Variants in DCLRE1A observed in about 807,000 individuals in gnomAD.
DCLRE1A encodes the protein DNA cross-link repair 1A protein.
Under a neutral mutation model 91.9 loss-of-function variants are expected in DCLRE1A, and 64 were observed. The ratio of observed to expected loss-of-function variants is 0.70; its 90% CI spans 0.57 to 0.86. The LOEUF (loss-of-function observed/expected upper bound fraction) is 0.86. DCLRE1A is among the 40% of genes least tolerant of loss of function. DCLRE1A has a pLI of 0.00. For missense variants in DCLRE1A, 1,145 were observed against 1,213.3 expected (o/e 0.94, Z 0.84); for synonymous variants, 416 against 431.1 (o/e 0.96, Z 0.43).
intron 7 of DCLRE1A, among the ~76,000 whole-genome samples, chr10:113,837,562 A>G (rs763096560): frequency 3.3e-5 from 5 of 152,168 alleles, no homozygotes; most frequent in Non-Finnish European, 5.9e-5. Flanking sequence ...ACAATGGTAA[A>G]CACCAATGCA....
chr10:113,847,023 TA>T (rs1845548967), intron 3 of DCLRE1A, among the ~76,000 whole-genome samples, 178 bp downstream of exon 3: 1 of 152,234 alleles, frequency 6.6e-6, no homozygotes, highest in Non-Finnish European at 1.5e-5. Context: ...AGATGTTTTC[TA>T]AAAACTGAAA....
At position 113,849,860 on chromosome 10, in the gene DCLRE1A, T is replaced by A; in HGVS notation, c.1245A>T (p.Ala415=). ...GDFVLFPPAL[A]GKLAASVHQA... ...GATGAACAGAAGCAGCAAGCTTCCC[T>A]GCCAATGCAGGTGGAAACAACACAA... The change falls in exon 2 of 9, where the codon GCA becomes GCT. Residue 415 remains alanine (A), a synonymous_variant. Coordinates refer to ENST00000361384, the MANE Select transcript of DCLRE1A (RefSeq NM_014881.5). 6.2e-7 allele frequency: 1 copy of A among 1,614,034 alleles called. No homozygotes were observed. The highest frequency in any genetic ancestry group is 8.5e-7 in the Non-Finnish European group (1 of 1,180,016).
Position 113,849,854 on chromosome 10 carries a change from C to T in DCLRE1A, c.1251G>A (p.Lys417=). 1 of 1,614,008 alleles carries T rather than the reference C, an allele frequency of 6.2e-7. No homozygotes were observed. Residue 417 remains lysine (K), a synonymous_variant, in exon 2 of 9, where the codon AAG becomes AAA. Transcript: ENST00000361384. ...FVLFPPALAG[K]LAASVHQATK... ...TTGCCTGATGAACAGAAGCAGCAAGCTTCCCTGCCAATGCAGGTGGAAACA... is the reference window on the plus strand; with the variant it reads ...TTGCCTGATGAACAGAAGCAGCAAGTTTCCCTGCCAATGCAGGTGGAAACA...
chr10:113,835,247 G>A lies in DCLRE1A; in HGVS notation c.3028C>T (p.Gln1010Ter). ...ACATTTACAGTAGGTATGATTTTCT[G>A]GGGCTTCAGCCACTGGACAAAGCGC... is the stretch of plus-strand genomic sequence containing the variant. ...MKRFVQWLKPQKIIPTVNVGT... is the reference protein window; with the variant it reads ...MKRFVQWLKP The change falls in exon 9 of 9, where the codon CAG (glutamine) becomes TAG (stop). Residue 1010 changes from glutamine (Q) to a stop codon, truncating the protein, a stop_gained. Coordinates refer to ENST00000361384, the MANE Select transcript of DCLRE1A (RefSeq NM_014881.5). LOFTEE classifies it high-confidence loss of function. The A allele has an allele frequency of 6.2e-7, 1 of 1,614,020 alleles. No homozygotes were observed. Among genetic ancestry groups the A allele is most frequent in the South Asian group, 1.1e-5 (1 of 91,060 alleles).
At chr10:113,838,256 AT>A (rs1845392753) in intron 7 of DCLRE1A, among the ~76,000 whole-genome samples, 1 of 152,194 alleles carries the variant, frequency 6.6e-6, no homozygotes, top group Non-Finnish European at 1.5e-5. Context: ...TATTTGTTTA[AT>A]CACTATTCCT....
chr10:113,836,251 G>A (rs375918712), intron 8 of DCLRE1A, among the ~76,000 whole-genome samples: 3 of 152,088 alleles, frequency 2.0e-5, no homozygotes, highest in Non-Finnish European at 4.4e-5. Flanking sequence ...TTCAAAAATC[G>A]ATTACCTTAT....
chr10:113,850,405 A>G lies in DCLRE1A; in HGVS notation c.700T>C (p.Tyr234His). 1 of 1,614,220 alleles carries G rather than the reference A, an allele frequency of 6.2e-7. No homozygotes were observed. The highest frequency in any genetic ancestry group is 8.5e-7 in the Non-Finnish European group (1 of 1,180,032). Reference sequence around the variant, plus strand: ...GTCAGAGACGGAGACTTTTTAAAATACTGTGTCATCAATAAGGGATCATTT... The same window carrying G: ...GTCAGAGACGGAGACTTTTTAAAATGCTGTGTCATCAATAAGGGATCATTT... ...VSNDPLLMTQ[Y>H]FKKSPSLTEA... Residue 234 changes from tyrosine to histidine, a missense_variant, in exon 2 of 9, where the codon TAT (tyrosine) becomes CAT (histidine). Physicochemically the swap from Tyr to His is moderately conservative, Grantham distance 83. Transcript: ENST00000361384.
chr10:113,837,889 A>G (rs1194461169), intron 7 of DCLRE1A, among the ~76,000 whole-genome samples: 1 of 152,186 alleles, frequency 6.6e-6, no homozygotes, highest in Non-Finnish European at 1.5e-5. Context: ...TCTTCGAAAG[A>G]TAACAGAAAT....
At position 113,845,806 on chromosome 10, in the gene DCLRE1A, G is replaced by A; in HGVS notation, c.2260-3C>T. 6.2e-7 allele frequency: 1 copy of A among 1,610,658 alleles called. No homozygotes were observed. Among genetic ancestry groups the A allele is most frequent in the East Asian group, 2.2e-5 (1 of 44,842 alleles). On this transcript the variant is annotated splice_polypyrimidine_tract_variant and splice_region_variant and intron_variant, in intron 3 of 8. Transcript: ENST00000361384. ...TTCTTCAACAAATTGCCAGTTATCTGCAAAACAGGACGTGCTTATTGCTGA... is the reference window on the plus strand; with the variant it reads ...TTCTTCAACAAATTGCCAGTTATCTACAAAACAGGACGTGCTTATTGCTGA...
intron 8 of DCLRE1A, 53 bp downstream of exon 8, chr10:113,837,009 A>T: frequency 1.4e-6 from 2 of 1,444,510 alleles, no homozygotes; most frequent in Non-Finnish European, 1.9e-6. Flanking sequence ...ATTTTTTAAA[A>T]TGTAATTATA....
intron 1 of DCLRE1A, among the ~76,000 whole-genome samples, chr10:113,851,235 G>C (rs1845644918): frequency 6.6e-6 from 1 of 152,130 alleles, no homozygotes; most frequent in Non-Finnish European, 1.5e-5. Context: ...CAAGTTACAT[G>C]AAAGAAAATT....
intron 4 of DCLRE1A, among the ~76,000 whole-genome samples, chr10:113,844,668 G>A (rs754109624): frequency 1.3e-5 from 2 of 152,310 alleles, no homozygotes; most frequent in South Asian, 4.1e-4. Flanking sequence ...AGGCATGGTG[G>A]CTCACGCCTG....
chr10:113,840,312 CA>C lies in DCLRE1A; in HGVS notation c.2820+1093del, dbSNP rs1027727896. 1.3e-4 allele frequency among the ~76,000 whole-genome samples: 19 copies of C among 142,480 alleles called. 1 individual carries two copies. The highest frequency in any genetic ancestry group is 2.1e-4 in the African/African-American group (8 of 38,816). The allele number at this position is 142,480 out of a possible 152,430, so 93.5% of individuals were successfully genotyped here. ...CTGTCTCCAAAAAAAAAAAAAACAA[CA>C]AAAAAAAAAGTTTGAGTTTGTAGTA... On this transcript the variant is annotated intron_variant, in intron 7 of 8. Transcript: ENST00000361384.
intron 7 of DCLRE1A, among the ~76,000 whole-genome samples, chr10:113,840,466 C>T (rs1398478701): frequency 6.6e-6 from 1 of 152,102 alleles, no homozygotes; most frequent in Non-Finnish European, 1.5e-5. Flanking sequence ...GAAGAGGTGG[C>T]CCTCTTCCTG....
intron 5 of DCLRE1A, among the ~76,000 whole-genome samples, chr10:113,843,475 C>A (rs924345797): frequency 2.0e-5 from 3 of 152,102 alleles, no homozygotes; most frequent in African/African-American, 4.8e-5. Flanking sequence ...AATATTGCAT[C>A]CAAACGTACT....
Position 113,850,184 on chromosome 10 carries a change from TTCA to T in DCLRE1A, c.918_920del (p.Asp306del). The T allele has an allele frequency of 6.2e-7, 1 of 1,614,188 alleles. No individual in the cohort carries two copies. Among genetic ancestry groups the T allele is most frequent in the Non-Finnish European group, 8.5e-7 (1 of 1,180,026 alleles). Reference sequence around the variant, plus strand: ...GTTTTTCATCGATATCATGAGTGTCTTCATCACTTTGAAGTGGAGAATAGGAGA... The same window carrying T: ...GTTTTTCATCGATATCATGAGTGTCTTCACTTTGAAGTGGAGAATAGGAGA... On this transcript the variant is annotated inframe_deletion, in exon 2 of 9. Transcript: ENST00000361384.
chr10:113,839,706 CAGG>C (rs1845417763), intron 7 of DCLRE1A, among the ~76,000 whole-genome samples: 1 of 152,102 alleles, frequency 6.6e-6, no homozygotes, highest in South Asian at 2.1e-4. Context: ...GCCTAGTGGG[CAGG>C]AGGTCAGTAA....
intron 8 of DCLRE1A, 78 bp from the exon 9 acceptor site, chr10:113,835,390 TAAAAC>T (rs1180938597): frequency 6.4e-6 from 9 of 1,414,390 alleles, no homozygotes; most frequent in Non-Finnish European, 8.4e-6. Context: ...TAAAATAGAA[TAAAAC>T]AAAAGAGAAA....
chr10:113,845,907 T>A (rs1398481641), intron 3 of DCLRE1A, 104 bp from the exon 4 acceptor site: 1 of 983,470 alleles, frequency 1.0e-6, no homozygotes, highest in African/African-American at 1.6e-5. Context: ...ATTTTCCTAC[T>A]TATATTTAAG....
Sources: gnomAD v4.1 joint callset for allele counts (sites outside exome capture counted in the v4.1 genomes callset) on GRCh38, gnomAD v4.1.1 for gene constraint, MANE v1.5 for transcripts, NCBI Gene and HGNC (gene_info 2026-07-23, HGNC 2026-07-21) for gene names.